Variants in FAT1 observed in about 807,000 individuals in gnomAD.
FAT1 encodes protocadherin Fat 1.
FAT1 carries 171 observed loss-of-function variants against 329.8 expected under a neutral mutation model. The observed-to-expected ratio is 0.52, with a 90% CI of 0.46 to 0.59. The LOEUF (loss-of-function observed/expected upper bound fraction) is 0.59. Ranked by LOEUF, FAT1 falls within the 20% of genes least tolerant of loss-of-function variation. The pLI is 0.00. For synonymous variants in FAT1, 2,233 were observed against 2,228.6 expected (o/e 1.00, Z -0.06); for missense variants, 5,672 against 5,774.4 (o/e 0.98, Z 0.57).
chr4:186,641,601 C>T (rs1741100254), intron 3 of FAT1, among the ~76,000 whole-genome samples: 1 of 152,150 alleles, frequency 6.6e-6, no homozygotes, highest in African/African-American at 2.4e-5. Flanking sequence ...CTTAATCACT[C>T]ACCAACAGCA....
chr4:186,708,861 T>C lies in FAT1; in HGVS notation c.967A>G (p.Ile323Val), dbSNP rs752268095. 2 of 1,613,988 alleles carry C rather than the reference T, an allele frequency of 1.2e-6. No individual in the cohort carries two copies. The highest frequency in any genetic ancestry group is 2.2e-5 in the East Asian group (1 of 44,862). Residue 323 changes from isoleucine (I) to valine (V), a missense_variant, in exon 2 of 27, where the codon ATT (isoleucine) becomes GTT (valine). Physicochemically the swap from Ile to Val is conservative, Grantham distance 29. This residue lies in a region of FAT1 where 3,966 missense variants were observed against 3,915.2 expected (regional missense o/e 1.01). Transcript: ENST00000441802. Reference protein sequence around the residue: ...KEYKVKAIGGIDWDSHPFGYN... With the variant: ...KEYKVKAIGGVDWDSHPFGYN... ...CCGAAAGGATGACTGTCCCAATCAA[T>C]GCCACCGATGGCTTTGACTTTATAC...
chr4:186,714,168 G>C (rs769382509), intron 1 of FAT1, among the ~76,000 whole-genome samples: 127 of 152,216 alleles, frequency 8.3e-4, no homozygotes, highest in Non-Finnish European at 1.6e-3. Flanking sequence ...AGGGCGACCA[G>C]AGCAGTCAGA....
intron 2 of FAT1, among the ~76,000 whole-genome samples, chr4:186,677,085 A>C (rs1017822579): frequency 5.3e-5 from 8 of 152,078 alleles, no homozygotes; most frequent in African/African-American, 1.9e-4. Context: ...ATTTTTAGAA[A>C]CTTCTTTTTC....
chr4:186,670,421 C>A (rs573792381), intron 2 of FAT1, among the ~76,000 whole-genome samples: 5 of 152,248 alleles, frequency 3.3e-5, no homozygotes, highest in African/African-American at 9.6e-5. Flanking sequence ...CAATTCAATA[C>A]CCTCAGCGTA....
At chr4:186,624,852 T>C (rs1008504054) in intron 9 of FAT1, among the ~76,000 whole-genome samples, 3 of 152,198 alleles carry the variant, frequency 2.0e-5, no homozygotes, top group Admixed American at 6.5e-5. Flanking sequence ...TCCACCTCCA[T>C]CTCCAACACA....
At chr4:186,676,793 G>A (rs1579433100) in intron 2 of FAT1, among the ~76,000 whole-genome samples, 2 of 152,292 alleles carry the variant, frequency 1.3e-5, no homozygotes, top group South Asian at 4.2e-4. Flanking sequence ...GCTGGTGGAA[G>A]GGCCAGTTTT....
At chr4:186,724,931 TC>T (rs1238031090), upstream of FAT1, among the ~76,000 whole-genome samples, 1 of 152,116 alleles carries the variant, frequency 6.6e-6, no homozygotes, top group East Asian at 1.9e-4. The surrounding 1 kb of genome is among the most constrained non-coding windows in gnomAD (Gnocchi z 5.3). Flanking sequence ...AAAGAGAATT[TC>T]CTGGGTTCAA....
chr4:186,712,157 A>C (rs1339896518), intron 1 of FAT1, among the ~76,000 whole-genome samples: 1 of 152,258 alleles, frequency 6.6e-6, no homozygotes, highest in African/African-American at 2.4e-5. Context: ...CTAGCTATAT[A>C]AACTGGAAAA....
Position 186,603,234 on chromosome 4 carries a change from T to C in FAT1, c.11292A>G (p.Thr3764=). 1.2e-6 allele frequency: 2 copies of C among 1,613,850 alleles called. No homozygotes were observed. The highest frequency in any genetic ancestry group is 1.7e-6 in the Non-Finnish European group (2 of 1,179,834). ...VDESVMSTHS[T]ARLSFVTPRH... ...GGGGAGTCACAAAACTCAGTCTGGC[T>C]GTGCTGTGTGTTGACATCACACTTT... The change falls in exon 19 of 27, where the codon ACA becomes ACG. Residue 3764 remains threonine, a synonymous_variant. Transcript: ENST00000441802.
chr4:186,709,901 T>A, intron 1 of FAT1, 56 bp from the exon 2 acceptor site: 2 of 1,433,250 alleles, frequency 1.4e-6, no homozygotes, highest in Non-Finnish European at 1.9e-6. Flanking sequence ...AGCAAAAGTG[T>A]GTACATTGTT....
At chr4:186,613,921 G>C (rs1367287986) in intron 12 of FAT1, among the ~76,000 whole-genome samples, 3 of 150,322 alleles carry the variant, frequency 2.0e-5, no homozygotes, top group Non-Finnish European at 4.4e-5. Context: ...TCTGAGGGTT[G>C]TTTTTTTTAA....
chr4:186,645,378 T>TGTACTTTA (rs1741308214), intron 3 of FAT1, among the ~76,000 whole-genome samples: 27 of 28,150 alleles, frequency 9.6e-4, no homozygotes, highest in Non-Finnish European at 8.7e-4. Flanking sequence ...TATATATATA[T>TGTACTTTA]ATATATATAT....
chr4:186,650,886 A>C (rs1199334271), intron 3 of FAT1, among the ~76,000 whole-genome samples: 1 of 152,130 alleles, frequency 6.6e-6, no homozygotes, highest in Non-Finnish European at 1.5e-5. Context: ...TAGGTAAGCT[A>C]CCAAAGAACT....
chr4:186,596,232 TA>T lies in FAT1; in HGVS notation c.13000+307del, dbSNP rs887460465. Among the ~76,000 whole-genome samples, 4 of 152,228 alleles carry T rather than the reference TA, an allele frequency of 2.6e-5. No homozygotes were observed. The highest frequency in any genetic ancestry group is 9.6e-5 in the African/African-American group (4 of 41,462). ...ATCCTAGCATGAAAATGCTCCCGATTATTTTTTTGACATATTAATAAACTCA... is the reference window on the plus strand; with the variant it reads ...ATCCTAGCATGAAAATGCTCCCGATTTTTTTTTGACATATTAATAAACTCA... On this transcript the variant is annotated intron_variant, in intron 25 of 26. Coordinates refer to ENST00000441802, the MANE Select transcript of FAT1 (RefSeq NM_005245.4). This position sits in a 1 kb window ranked among gnomAD's most constrained non-coding sequence, Gnocchi z 4.7.
chr4:186,689,743 T>C lies in FAT1; in HGVS notation c.3265+16820A>G, dbSNP rs555419887. Among the ~76,000 whole-genome samples, 4 of 152,306 alleles carry C rather than the reference T, an allele frequency of 2.6e-5. No homozygotes were observed. The South Asian group carries it at 8.3e-4, about 32-fold the overall frequency. ...ACCAGGCTAATTCAACAGGCAGAACTACTTAACTCTTCCACTTCCTTTCCC... is the reference window on the plus strand; with the variant it reads ...ACCAGGCTAATTCAACAGGCAGAACCACTTAACTCTTCCACTTCCTTTCCC... On this transcript the variant is annotated intron_variant, in intron 2 of 26. Coordinates refer to ENST00000441802, the MANE Select transcript of FAT1 (RefSeq NM_005245.4).
At position 186,708,057 on chromosome 4, in the gene FAT1, C is replaced by T. The variant is rs572691033; in HGVS notation, c.1771G>A (p.Val591Ile). The stretch of plus-strand genomic sequence containing the variant: ...AGTTCATCTGCATCAATAGCAGAAA[C>T]AGTGGTTATTTGCTCTCCCACGCCT... ...DLGVGEQITT[V>I]SAIDADELQL... The change falls in exon 2 of 27, where the codon GTT becomes ATT. Residue 591 changes from valine (V) to isoleucine (I), a missense_variant. Physicochemically the swap from Val to Ile is conservative, Grantham distance 29 (BLOSUM62 3). Coordinates refer to ENST00000441802, the MANE Select transcript of FAT1 (RefSeq NM_005245.4). The T allele has an allele frequency of 9.5e-5, 153 of 1,613,956 alleles. 2 individuals carry two copies. The South Asian group carries it at 1.6e-3, about 17-fold the overall frequency.
chr4:186,613,014 G>A (rs62350418), intron 13 of FAT1, 95 bp downstream of exon 13: 9 of 732,738 alleles, frequency 1.2e-5, no homozygotes, highest in Non-Finnish European at 2.1e-5. Flanking sequence ...ATGAGGTGGA[G>A]TGAGTGGCAC....
intron 6 of FAT1, among the ~76,000 whole-genome samples, 193 bp from the exon 7 acceptor site, chr4:186,634,016 T>C (rs891854791): frequency 6.6e-6 from 1 of 152,168 alleles, no homozygotes; most frequent in Admixed American, 6.5e-5. Context: ...TGAACCCTAA[T>C]TGTCCAGGAA....
At chr4:186,686,987 T>C (rs954001726) in intron 2 of FAT1, among the ~76,000 whole-genome samples, 3 of 152,240 alleles carry the variant, frequency 2.0e-5, no homozygotes, top group Non-Finnish European at 4.4e-5. Flanking sequence ...ATCTGGCCAA[T>C]GAAATGAAGA....
Sources: allele counts gnomAD v4.1 joint callset (sites outside exome capture counted in the v4.1 genomes callset), GRCh38; gene constraint gnomAD v4.1.1; regional missense constraint gnomAD v4.1.1; non-coding constraint Gnocchi (gnomAD v3.1); transcripts MANE v1.5; gene names NCBI Gene and HGNC (gene_info 2026-07-23, HGNC 2026-07-21).